The following VPS13B variants were observed in gnomAD, a reference collection of about 807,000 sequenced individuals.
The protein encoded by VPS13B is intermembrane lipid transfer protein VPS13B.
In VPS13B, 285 loss-of-function variants were observed where a neutral mutation model predicts 426.4. The ratio of observed to expected loss-of-function variants is 0.67; its 90% CI spans 0.61 to 0.74. The LOEUF is 0.74. Among genes scored for constraint, VPS13B ranks in the 30% least tolerant of loss-of-function variants. The pLI is 0.00. For synonymous variants in VPS13B, 1,676 were observed against 1,676.4 expected (o/e 1.00, Z 0.01); for missense variants, 4,537 against 4,782.6 (o/e 0.95, Z 1.51).
intron 33 of VPS13B, among the ~76,000 whole-genome samples, chr8:99,591,031 G>A (rs1826631845): frequency 6.6e-6 from 1 of 152,004 alleles, no homozygotes; most frequent in African/African-American, 2.4e-5. Flanking sequence ...TGTGTTGGGT[G>A]TATATATATT....
intron 19 of VPS13B, among the ~76,000 whole-genome samples, chr8:99,319,937 C>T (rs957159184): frequency 6.6e-6 from 1 of 152,084 alleles, no homozygotes; most frequent in Non-Finnish European, 1.5e-5. Context: ...CTTTTATGCA[C>T]CACTTTTTCA....
rs777883378 is a variant in VPS13B at position 99,854,034 on chromosome 8, C to A, written c.10645C>A (p.Gln3549Lys). ...ACAGGTGTTGCCCATGCAGGTCACA[C>A]AGCACGCCAGGGCCTTGGTGAATCC... is the stretch of plus-strand genomic sequence containing the variant. Reference protein sequence around the residue: ...GKQVLPMQVTQHARALVNPVK... With the variant: ...GKQVLPMQVTKHARALVNPVK... The change falls in exon 56 of 62, where the codon CAG (glutamine) becomes AAG (lysine). Residue 3549 changes from glutamine to lysine, a missense_variant. Gln to Lys is a moderately conservative substitution (Grantham distance 53). Around this residue, in one of 2 missense-constraint regions of VPS13B, gnomAD observed 4,311 missense variants for 4,474.3 expected, o/e 0.96. Coordinates refer to ENST00000357162, the MANE Select transcript of VPS13B (RefSeq NM_152564.5). 1.9e-6 allele frequency: 3 copies of A among 1,614,210 alleles called. No homozygotes were observed. Among genetic ancestry groups the A allele is most frequent in the Non-Finnish European group, 2.5e-6 (3 of 1,180,038 alleles).
chr8:99,750,322 C>G (rs1810328900), intron 39 of VPS13B, among the ~76,000 whole-genome samples: 1 of 152,076 alleles, frequency 6.6e-6, no homozygotes, highest in African/African-American at 2.4e-5. Flanking sequence ...CTGTCTCCAA[C>G]CAGGTGGAAA....
At chr8:99,360,168 T>TTCTTTCTTTCTC (rs1812448555) in intron 19 of VPS13B, among the ~76,000 whole-genome samples, 1 of 40,824 alleles carries the variant, frequency 2.4e-5, no homozygotes, top group African/African-American at 1.1e-4. Context: ...CTTTCTTTCT[T>TTCTTTCTTTCTC]TCTTTCTTTC....
chr8:99,850,508 T>C (rs1816234673), intron 55 of VPS13B, among the ~76,000 whole-genome samples: 3 of 152,170 alleles, frequency 2.0e-5, no homozygotes, highest in African/African-American at 7.2e-5. Flanking sequence ...AATATGTAAT[T>C]ATTATTTGAT....
At chr8:99,465,367 T>C (rs934762618) in intron 23 of VPS13B, among the ~76,000 whole-genome samples, 1 of 152,020 alleles carries the variant, frequency 6.6e-6, no homozygotes, top group Non-Finnish European at 1.5e-5. Context: ...ACAATCTGTA[T>C]GCTAAATAAA....
intron 19 of VPS13B, among the ~76,000 whole-genome samples, chr8:99,320,780 T>G (rs1406716565): frequency 6.6e-6 from 1 of 152,252 alleles, no homozygotes; most frequent in Non-Finnish European, 1.5e-5. Context: ...TAAGAGTTTT[T>G]AAAGCAGTCA....
At chr8:99,402,657 GAAAA>G (rs576317977) in intron 21 of VPS13B, among the ~76,000 whole-genome samples, 1 of 145,014 alleles carries the variant, frequency 6.9e-6, no homozygotes, top group African/African-American at 2.5e-5. Flanking sequence ...GGAGTAAAAA[GAAAA>G]AAAAAAATCA....
At position 99,821,473 on chromosome 8, in the gene VPS13B, A is replaced by G. The variant is rs1347418383; in HGVS notation, c.9174A>G (p.Gly3058=). The change falls in exon 50 of 62, where the codon GGA becomes GGG. Residue 3058 remains glycine (G), a synonymous_variant. Transcript: ENST00000357162. ...AAATAAGACTTGGTGCTTTTCCAGGACATCAGAAGGTAAGATCAAAGTCTA... is the reference window on the plus strand; with the variant it reads ...AAATAAGACTTGGTGCTTTTCCAGGGCATCAGAAGGTAAGATCAAAGTCTA... The part of the protein sequence containing the change: ...DTEIRLGAFP[G]HQKLCQFCIS... The G allele has an allele frequency of 1.2e-6, 2 of 1,613,738 alleles. No homozygotes were observed. Among genetic ancestry groups the G allele is most frequent in the South Asian group, 2.2e-5 (2 of 91,062 alleles).
intron 19 of VPS13B, among the ~76,000 whole-genome samples, chr8:99,283,699 A>G (rs532404693): frequency 6.6e-6 from 1 of 152,312 alleles, no homozygotes; most frequent in East Asian, 1.9e-4. Context: ...GAACTTTGGG[A>G]TTTCAAAATG....
chr8:99,624,007 ATTTTTTTTTT>A (rs1165382455), intron 33 of VPS13B, among the ~76,000 whole-genome samples: 6 of 101,096 alleles, frequency 5.9e-5, no homozygotes, highest in Non-Finnish European at 7.5e-5. Flanking sequence ...ATATATATAT[ATTTTTTTTTT>A]TTTTTTTTTT....
intron 3 of VPS13B, among the ~76,000 whole-genome samples, chr8:99,083,261 T>C (rs1388727270): frequency 2.0e-5 from 3 of 151,764 alleles, no homozygotes; most frequent in Non-Finnish European, 4.4e-5. Flanking sequence ...GGCTCTCTGT[T>C]TGTTATTGGT....
At chr8:99,036,299 T>G (rs1055027360) in intron 2 of VPS13B, among the ~76,000 whole-genome samples, 66 of 152,310 alleles carry the variant, frequency 4.3e-4, no homozygotes, top group Non-Finnish European at 2.6e-4. Context: ...CTAATATCCT[T>G]TGCATTATCA....
intron 19 of VPS13B, among the ~76,000 whole-genome samples, chr8:99,367,216 G>C (rs1812939197): frequency 6.6e-6 from 1 of 152,130 alleles, no homozygotes; most frequent in Non-Finnish European, 1.5e-5. Context: ...GATTTTGTTT[G>C]TTTGGGTAAG....
chr8:99,771,908 C>T (rs1276961251), intron 40 of VPS13B, among the ~76,000 whole-genome samples: 1 of 152,206 alleles, frequency 6.6e-6, no homozygotes, highest in Non-Finnish European at 1.5e-5. Flanking sequence ...AAATTCTTTC[C>T]TTTACCCTTC....
intron 17 of VPS13B, among the ~76,000 whole-genome samples, chr8:99,239,433 G>T (rs758712205): frequency 3.9e-5 from 6 of 152,082 alleles, no homozygotes; most frequent in Non-Finnish European, 7.4e-5. Flanking sequence ...GTTTATTACA[G>T]TCTGTGCAAA....
intron 3 of VPS13B, among the ~76,000 whole-genome samples, chr8:99,062,132 A>G (rs916027821): frequency 9.2e-5 from 14 of 152,280 alleles, no homozygotes; most frequent in African/African-American, 3.4e-4. Flanking sequence ...CCGAAGTTAG[A>G]TCGATTCTCA....
intron 3 of VPS13B, among the ~76,000 whole-genome samples, chr8:99,080,209 A>C (rs1319788799): frequency 6.6e-6 from 1 of 151,598 alleles, no homozygotes; most frequent in Admixed American, 6.6e-5. Context: ...AACTTTCTTT[A>C]GTGTGTCTTT....
intron 55 of VPS13B, among the ~76,000 whole-genome samples, chr8:99,852,262 G>A (rs186357531): frequency 6.6e-6 from 1 of 152,228 alleles, no homozygotes; most frequent in African/African-American, 2.4e-5. Context: ...CTAAGTGACT[G>A]TGTGGATAGG....
Sources: gnomAD v4.1 joint callset for allele counts (sites outside exome capture counted in the v4.1 genomes callset) on GRCh38, gnomAD v4.1.1 for gene constraint, gnomAD v4.1.1 regional missense constraint, MANE v1.5 for transcripts, NCBI Gene and HGNC (gene_info 2026-07-23, HGNC 2026-07-21) for gene names.